The following MTCH2 variants were observed in gnomAD, a reference collection of about 807,000 sequenced individuals.
The protein encoded by MTCH2 is mitochondrial carrier 2.
A neutral mutation model predicts 50.6 loss-of-function variants in MTCH2; 25 were observed. The observed-to-expected ratio is 0.49, with a 90% CI of 0.36 to 0.69. The LOEUF is 0.69. MTCH2 is among the 30% of genes least tolerant of loss of function. MTCH2 has a pLI of 0.00. For synonymous variants in MTCH2, 106 were observed against 132.0 expected (o/e 0.80, Z 1.35); for missense variants, 273 against 384.4 (o/e 0.71, Z 2.42).
intron 12 of MTCH2, among the ~76,000 whole-genome samples, chr11:47,621,869 A>T (rs2097293639): frequency 6.6e-6 from 1 of 151,502 alleles, no homozygotes. Flanking sequence ...CCTAGCCGTT[A>T]TTTTATTTTC....
At chr11:47,633,526 A>ATATATATATTTTTTTTTTT (rs1378774715) in intron 5 of MTCH2, among the ~76,000 whole-genome samples, 1 of 35,078 alleles carries the variant, frequency 2.9e-5, no homozygotes, top group Non-Finnish European at 5.9e-5. Flanking sequence ...ATATATATAT[A>ATATATATATTTTTTTTTTT]TTTTTTTTTT....
chr11:47,638,656 G>C (rs1164216887), intron 3 of MTCH2, 43 bp downstream of exon 3: 13 of 1,254,610 alleles, frequency 1.0e-5, no homozygotes, highest in Non-Finnish European at 1.4e-5. Flanking sequence ...TGCATAACAG[G>C]TAAGCAACAT....
At chr11:47,640,341 C>T (rs577780056) in intron 1 of MTCH2, among the ~76,000 whole-genome samples, 292 of 152,252 alleles carry the variant, frequency 1.9e-3, no homozygotes, top group Middle Eastern at 0.014. Context: ...AAAACAACAA[C>T]AAATAAATAA....
chr11:47,619,147 G>A (rs1251772371), intron 12 of MTCH2, among the ~76,000 whole-genome samples: 1 of 152,242 alleles, frequency 6.6e-6, no homozygotes. Flanking sequence ...GCCCAGGTTG[G>A]ATTCTGGCTT....
At chr11:47,625,542 C>A (rs1488731833) in intron 11 of MTCH2, 132 bp downstream of exon 11, 1 of 668,208 alleles carries the variant, frequency 1.5e-6, no homozygotes. Flanking sequence ...TACTTTTCCT[C>A]CCCCCCTTTT....
Position 47,629,063 on chromosome 11 carries a change from T to C in MTCH2, c.540-17A>G. On this transcript the variant is annotated splice_polypyrimidine_tract_variant and intron_variant, in intron 8 of 12. Coordinates refer to ENST00000302503, the MANE Select transcript of MTCH2 (RefSeq NM_014342.4). ...ACAAGACCCCTACATGAAGAAACAA[T>C]AAAAATAAGAACCAAAAAATGTGAT... is the stretch of plus-strand genomic sequence containing the variant. 1 of 1,601,956 alleles carries C rather than the reference T, an allele frequency of 6.2e-7. No individual in the cohort carries two copies. Among genetic ancestry groups the C allele is most frequent in the Non-Finnish European group, 8.5e-7 (1 of 1,171,998 alleles).
chr11:47,639,123 T>C, intron 1 of MTCH2, 72 bp from the exon 2 acceptor site: 1 of 1,330,108 alleles, frequency 7.5e-7, no homozygotes, highest in Admixed American at 2.1e-5. Context: ...AGGTCTTGAA[T>C]AAAGAACACA....
chr11:47,613,617 A>G (rs1006305859), downstream of MTCH2, among the ~76,000 whole-genome samples: 6 of 152,234 alleles, frequency 3.9e-5, no homozygotes, highest in African/African-American at 1.2e-4. Context: ...ATAAACCATC[A>G]TAATAGTCTA....
At chr11:47,604,356 T>G in the MTCH2 span, among the ~76,000 whole-genome samples, 1 of 152,202 alleles carries the variant, frequency 6.6e-6, no homozygotes, top group Admixed American at 6.5e-5. Context: ...CAATGAGGTT[T>G]ATTATACATT....
At chr11:47,609,140 A>AAAG in the MTCH2 span, among the ~76,000 whole-genome samples, 2 of 93,330 alleles carry the variant, frequency 2.1e-5, no homozygotes. Context: ...AAAAAAAAAA[A>AAAG]AAAAAAGAAA....
rs1428571003 is a variant in MTCH2 at position 47,618,763 on chromosome 11, A to T, written c.*70T>A. Reference sequence around the variant, plus strand: ...AAAAAAGCGCGCCACACTGTATAGAAATCAACATTCTCTCCCATAATTCTG... The same window carrying T: ...AAAAAAGCGCGCCACACTGTATAGATATCAACATTCTCTCCCATAATTCTG... On this transcript the variant is annotated 3_prime_UTR_variant, in exon 13 of 13. Transcript: ENST00000302503. 10 of 1,459,614 alleles carry T rather than the reference A, an allele frequency of 6.9e-6. No homozygotes were observed. Among genetic ancestry groups the T allele is most frequent in the African/African-American group, 1.4e-5 (1 of 72,268 alleles). The allele number at this position is 1,459,614 out of a possible 1,614,324, so 90.4% of individuals were successfully genotyped here. A position where few individuals can be genotyped will look rare whatever the true frequency, so the allele number is the denominator to read the frequency against.
At chr11:47,641,397 CAAGAAT>C (rs939115352) in intron 1 of MTCH2, among the ~76,000 whole-genome samples, 1 of 152,090 alleles carries the variant, frequency 6.6e-6, no homozygotes, top group Non-Finnish European at 1.5e-5. Flanking sequence ...CCCAACAACT[CAAGAAT>C]AAGAAATGGG....
the MTCH2 span, among the ~76,000 whole-genome samples, chr11:47,610,125 A>C: frequency 1.2e-4 from 19 of 152,216 alleles, no homozygotes; most frequent in Non-Finnish European, 1.8e-4. Flanking sequence ...CAGTGGATAC[A>C]GCTAGGAGGC....
chr11:47,607,998 C>T, the MTCH2 span, among the ~76,000 whole-genome samples: 71 of 152,306 alleles, frequency 4.7e-4, no homozygotes, highest in African/African-American at 1.5e-3. Context: ...AATACTGGGA[C>T]GCAATGCATG....
chr11:47,634,770 T>TA (rs1565973812), intron 4 of MTCH2, 36 bp from the exon 5 acceptor site: 29 of 340,806 alleles, frequency 8.5e-5, no homozygotes, highest in Non-Finnish European at 1.1e-4. Flanking sequence ...GAGATCTTGA[T>TA]TTTTTTTTTT....
chr11:47,634,611 C>G lies in MTCH2; in HGVS notation c.369+61G>C. The G allele has an allele frequency of 2.3e-6, 3 of 1,289,294 alleles. No individual in the cohort carries two copies. In the South Asian group the frequency reaches 3.8e-5, roughly 16 times the overall value. The allele number at this position is 1,289,294 out of a possible 1,614,324, so 79.9% of individuals were successfully genotyped here. ...CACACAGGCCTGATGATTCTGATTC[C>G]ATAGTTGCAACACCACAGTTTGATC... On this transcript the variant is annotated intron_variant, in intron 5 of 12. Transcript: ENST00000302503.
the MTCH2 span, among the ~76,000 whole-genome samples, chr11:47,606,673 T>C: frequency 1.4e-4 from 22 of 152,228 alleles, no homozygotes; most frequent in African/African-American, 4.8e-4. Flanking sequence ...GGATTATTTA[T>C]TTATCCAATC....
At chr11:47,622,558 G>A (rs930959631) in intron 12 of MTCH2, 143 bp downstream of exon 12, 7 of 636,564 alleles carry the variant, frequency 1.1e-5, no homozygotes, top group Non-Finnish European at 1.6e-5. Context: ...ACACTGTAAA[G>A]TGTACATTAA....
intron 3 of MTCH2, among the ~76,000 whole-genome samples, chr11:47,636,374 C>T (rs1362414071): frequency 6.6e-6 from 1 of 151,728 alleles, no homozygotes; most frequent in Non-Finnish European, 1.5e-5. Flanking sequence ...GTAAAGACTG[C>T]AGTGAGCTGA....
Sources: allele counts gnomAD v4.1 joint callset (sites outside exome capture counted in the v4.1 genomes callset), GRCh38; gene constraint gnomAD v4.1.1; transcripts MANE v1.5; gene names NCBI Gene and HGNC (gene_info 2026-07-23, HGNC 2026-07-21).